The following EFCAB5 variants were observed in gnomAD, a reference collection of about 807,000 sequenced individuals.
EFCAB5 encodes EF-hand calcium-binding domain-containing protein 5.
EFCAB5 carries 131 observed loss-of-function variants against 167.9 expected under a neutral mutation model. The observed-to-expected ratio is 0.78, with a 90% confidence interval of 0.68 to 0.90. The LOEUF is 0.90. Ranked by LOEUF, EFCAB5 falls within the 40% of genes least tolerant of loss-of-function variation. EFCAB5 has a pLI of 0.00. For synonymous variants in EFCAB5, 574 were observed against 602.8 expected (o/e 0.95, Z 0.70); for missense variants, 1,663 against 1,745.2 (o/e 0.95, Z 0.84).
chr17:30,041,183 A>G lies in EFCAB5; in HGVS notation c.1200+6798A>G, dbSNP rs554693268. ...GATTGCCTTACTGACAGATCGAAAG[A>G]AAGGAAGGAAGGAAGGAAGAAAGGA... On this transcript the variant is annotated intron_variant, in intron 8 of 22. Transcript: ENST00000394835. 1.5e-3 allele frequency among the ~76,000 whole-genome samples: 208 copies of G among 139,714 alleles called. 1 individual carries two copies. Among genetic ancestry groups the G allele is most frequent in the Non-Finnish European group, 2.8e-3 (181 of 64,338 alleles). The allele number at this position is 139,714 out of a possible 152,430, so 91.7% of individuals were successfully genotyped here.
chr17:30,022,679 C>A (rs115408746), intron 7 of EFCAB5, among the ~76,000 whole-genome samples: 5 of 151,956 alleles, frequency 3.3e-5, no homozygotes, highest in Non-Finnish European at 7.4e-5. Context: ...CATATACTGA[C>A]GGAAACAATT....
chr17:29,964,311 C>T (rs2067781756), intron 3 of EFCAB5, among the ~76,000 whole-genome samples: 1 of 151,860 alleles, frequency 6.6e-6, no homozygotes, highest in African/African-American at 2.4e-5. Flanking sequence ...TTTTGTTTTC[C>T]AAGACAGAGT....
intron 4 of EFCAB5, among the ~76,000 whole-genome samples, chr17:29,976,099 C>G (rs1458281926): frequency 6.6e-6 from 1 of 152,158 alleles, no homozygotes; most frequent in African/African-American, 2.4e-5. Context: ...AAAATACTTA[C>G]AATCTGTGAA....
chr17:29,997,724 C>T (rs1394575554), intron 6 of EFCAB5, among the ~76,000 whole-genome samples: 1 of 152,078 alleles, frequency 6.6e-6, no homozygotes, highest in Non-Finnish European at 1.5e-5. Context: ...TTTTCATCTA[C>T]TTGAATGTCC....
At chr17:30,071,402 T>G (rs2070734000) in intron 14 of EFCAB5, among the ~76,000 whole-genome samples, 1 of 148,304 alleles carries the variant, frequency 6.7e-6, no homozygotes, top group Non-Finnish European at 1.5e-5. Flanking sequence ...TTTGAAAAAA[T>G]GCTTAACATC....
At chr17:29,945,088 T>C (rs1472192604) in intron 3 of EFCAB5, among the ~76,000 whole-genome samples, 2 of 152,204 alleles carry the variant, frequency 1.3e-5, no homozygotes, top group East Asian at 3.8e-4. Flanking sequence ...CATTCATCTC[T>C]TTCATTACAG....
At chr17:30,069,553 C>A in intron 14 of EFCAB5, 2 of 1,613,122 alleles carry the variant, frequency 1.2e-6, no homozygotes, top group Admixed American at 1.7e-5. Context: ...TTAAAAACAA[C>A]GCTGGCTTCC....
intron 3 of EFCAB5, 26 bp downstream of exon 3, chr17:29,943,675 C>T (rs1405195603): frequency 1.3e-6 from 2 of 1,545,288 alleles, no homozygotes; most frequent in African/African-American, 1.4e-5. Flanking sequence ...TTCTCTTATA[C>T]AATAGAATCT....
At chr17:29,972,412 G>A (rs1437466614) in intron 4 of EFCAB5, 2 of 152,070 alleles carry the variant, frequency 1.3e-5, no homozygotes, top group Non-Finnish European at 2.9e-5. Context: ...TGTGAGCTAG[G>A]AGTGCTCATA....
intron 3 of EFCAB5, among the ~76,000 whole-genome samples, chr17:29,957,220 G>T (rs2151550439): frequency 6.6e-6 from 1 of 152,134 alleles, no homozygotes; most frequent in East Asian, 1.9e-4. Flanking sequence ...TATGGTTTTT[G>T]TCTTTCATTC....
chr17:29,992,290 T>C (rs2068437964), intron 4 of EFCAB5, among the ~76,000 whole-genome samples: 1 of 152,202 alleles, frequency 6.6e-6, no homozygotes, highest in African/African-American at 2.4e-5. Flanking sequence ...CCATTCACGC[T>C]GTCAGAAATG....
chr17:29,957,324 TTTTTA>T (rs747235526), intron 3 of EFCAB5, among the ~76,000 whole-genome samples: 36 of 152,270 alleles, frequency 2.4e-4, no homozygotes, highest in South Asian at 8.3e-4. Flanking sequence ...TTTTTTTTAA[TTTTTA>T]TTTTATTTTA....
At chr17:30,075,365 GT>G (rs1363415293) in intron 14 of EFCAB5, among the ~76,000 whole-genome samples, 1 of 152,004 alleles carries the variant, frequency 6.6e-6, no homozygotes, top group East Asian at 1.9e-4. Context: ...CCTTTACATA[GT>G]CCTTAGGCTC....
At chr17:29,936,067 G>A (rs761019233) in intron 1 of EFCAB5, among the ~76,000 whole-genome samples, 1 of 152,180 alleles carries the variant, frequency 6.6e-6, no homozygotes, top group Non-Finnish European at 1.5e-5. Context: ...GAACCAAAAG[G>A]CCACAAGAAG....
At chr17:29,960,402 A>G (rs549449326) in intron 3 of EFCAB5, among the ~76,000 whole-genome samples, 2 of 152,240 alleles carry the variant, frequency 1.3e-5, no homozygotes, top group East Asian at 1.9e-4. Context: ...CTGTTAGGCC[A>G]TCTTGCTCTG....
At chr17:29,989,058 G>C (rs1324209481) in intron 4 of EFCAB5, among the ~76,000 whole-genome samples, 1 of 152,186 alleles carries the variant, frequency 6.6e-6, no homozygotes, top group Non-Finnish European at 1.5e-5. Context: ...GTATGGCATA[G>C]GTAGGAATGC....
intron 8 of EFCAB5, among the ~76,000 whole-genome samples, chr17:30,036,452 C>T (rs1392518589): frequency 6.7e-6 from 1 of 148,500 alleles, no homozygotes; most frequent in African/African-American, 2.5e-5. Context: ...CTGTGAGAGA[C>T]AGAGCCTCAC....
At chr17:30,014,817 A>G (rs2068993064) in intron 7 of EFCAB5, among the ~76,000 whole-genome samples, 1 of 152,120 alleles carries the variant, frequency 6.6e-6, no homozygotes, top group Non-Finnish European at 1.5e-5. Flanking sequence ...TAATATTGTT[A>G]TGTGTGAATT....
At chr17:30,057,979 T>A in intron 13 of EFCAB5, 89 bp downstream of exon 13, 1 of 1,192,398 alleles carries the variant, frequency 8.4e-7, no homozygotes, top group Non-Finnish European at 1.2e-6. Flanking sequence ...TGGCTCGTGT[T>A]AAAAAATGTA....
Sources: allele counts gnomAD v4.1 joint callset (sites outside exome capture counted in the v4.1 genomes callset), GRCh38; gene constraint gnomAD v4.1.1; transcripts MANE v1.5; gene names NCBI Gene and HGNC (gene_info 2026-07-23, HGNC 2026-07-21).